NME8: variants seen among roughly 807,000 people sequenced by gnomAD.
NME8 encodes protein NME8.
A neutral mutation model predicts 82.3 loss-of-function variants in NME8; 72 were observed. That is an observed-to-expected ratio of 0.87 (90% CI 0.72 to 1.06). The LOEUF (loss-of-function observed/expected upper bound fraction) is 1.06, where lower values mean the gene tolerates loss of function less well. Ranked by LOEUF, NME8 falls within the 50% of genes least tolerant of loss-of-function variation. The pLI, the probability that NME8 is intolerant of heterozygous loss-of-function variation, is 0.00. For missense variants in NME8, 712 were observed against 685.4 expected, an observed-to-expected ratio of 1.04 and a Z score of -0.43; for synonymous variants, 267 against 228.5, an observed-to-expected ratio of 1.17 and a Z score of -1.52.
In NME8 at chr7:37,867,759, G is replaced by A. The variant is rs367666545; in HGVS notation, c.679G>A (p.Val227Ile). The stretch of plus-strand genomic sequence containing the variant: ...AAGTGGCTTAAGCTATATTCTAGTT[G>A]TATCTCAAGGAAGTAAACACAATCC... ...MTSGLSYILVVSQGSKHNPPS... is the reference protein window; with the variant it reads ...MTSGLSYILVISQGSKHNPPS... The change falls in exon 11 of 18, where the codon GTA becomes ATA. Residue 227 changes from valine to isoleucine, a missense_variant. Transcript: ENST00000199447. 26 of 1,613,576 alleles carry A rather than the reference G, an allele frequency of 1.6e-5. No homozygotes were observed. In the African/African-American group the frequency reaches 3.5e-4, roughly 22 times the overall value.
chr7:37,882,597 A>AGAG (rs1784971502), intron 12 of NME8, among the ~76,000 whole-genome samples: 11 of 83,048 alleles, frequency 1.3e-4, no homozygotes, highest in Middle Eastern at 6.5e-3. Context: ...GAAAGAAAGA[A>AGAG]AGAGAGAGAG....
Position 37,898,633 on chromosome 7 carries a change from A to G in NME8, c.*15+1526A>G, listed in dbSNP as rs79641431. ...TTAGACACAGAAGAACACATATTGT[A>G]TGTTACCACTTATATGAGTTACCTA... is the stretch of plus-strand genomic sequence containing the variant. On this transcript the variant is annotated intron_variant, in intron 17 of 17. Coordinates refer to ENST00000199447, the MANE Select transcript of NME8 (RefSeq NM_016616.5). Among the ~76,000 whole-genome samples the G allele has an allele frequency of 3.1e-3, 479 of 152,352 alleles. 16 individuals carry two copies. The South Asian group carries it at 0.064, about 20-fold the overall frequency.
intron 15 of NME8, among the ~76,000 whole-genome samples, chr7:37,893,135 A>T (rs544928971): frequency 4.7e-4 from 72 of 152,194 alleles, no homozygotes; most frequent in African/African-American, 1.3e-3. Context: ...CACTACCTAC[A>T]GTACTCTCTG....
chr7:37,853,660 T>G (rs1157725703), intron 5 of NME8, among the ~76,000 whole-genome samples: 1 of 152,018 alleles, frequency 6.6e-6, no homozygotes, highest in Non-Finnish European at 1.5e-5. Context: ...AAATTATATC[T>G]CCAAACCTCC....
intron 16 of NME8, 79 bp from the exon 17 acceptor site, chr7:37,896,791 A>G (rs1453928927): frequency 5.0e-6 from 6 of 1,189,788 alleles, no homozygotes; most frequent in Non-Finnish European, 6.3e-6. Context: ...CTCAGGCTGC[A>G]GTGTTCTGTC....
intron 6 of NME8, 88 bp from the exon 7 acceptor site, chr7:37,861,940 G>A: frequency 1.2e-6 from 1 of 841,528 alleles, no homozygotes; most frequent in East Asian, 2.4e-5. Flanking sequence ...TAGGGTAGAA[G>A]GGAGGGATGA....
chr7:37,853,518 A>G (rs1408932279), intron 5 of NME8, among the ~76,000 whole-genome samples: 1 of 152,226 alleles, frequency 6.6e-6, no homozygotes, highest in Non-Finnish European at 1.5e-5. Flanking sequence ...AACAGCTGAC[A>G]GATGGATCAC....
chr7:37,869,963 G>T (rs1386607030), intron 11 of NME8, among the ~76,000 whole-genome samples: 1 of 152,122 alleles, frequency 6.6e-6, no homozygotes, highest in African/African-American at 2.4e-5. Flanking sequence ...GATCCGACAG[G>T]AACAATTATT....
At chr7:37,887,309 C>A (rs1249106899) in intron 14 of NME8, among the ~76,000 whole-genome samples, 1 of 152,156 alleles carries the variant, frequency 6.6e-6, no homozygotes, top group Non-Finnish European at 1.5e-5. Flanking sequence ...TGTTGTTGCT[C>A]ACCTGGAGGT....
chr7:37,878,404 G>T (rs1055018748), intron 12 of NME8, among the ~76,000 whole-genome samples: 1 of 152,052 alleles, frequency 6.6e-6, no homozygotes, highest in Non-Finnish European at 1.5e-5. Flanking sequence ...GATATGTGTT[G>T]ATTTCTTTTC....
intron 11 of NME8, among the ~76,000 whole-genome samples, chr7:37,870,145 G>T (rs1484012607): frequency 6.6e-6 from 1 of 151,738 alleles, no homozygotes; most frequent in Admixed American, 6.6e-5. Flanking sequence ...TCTATAACAG[G>T]GGTGTCCAAT....
Position 37,867,990 on chromosome 7 carries a change from T to G in NME8, c.818+92T>G, listed in dbSNP as rs1784714686. 2.9e-6 allele frequency: 3 copies of G among 1,023,638 alleles called. No homozygotes were observed. In the South Asian group the frequency reaches 4.0e-5, roughly 14 times the overall value. 63.4% of individuals were successfully genotyped at this position (1,023,638 alleles called of 1,614,324 possible). A position where few individuals can be genotyped will look rare whatever the true frequency, so the allele number is the denominator to read the frequency against. The stretch of plus-strand genomic sequence containing the variant: ...CACCTCAGTACCTAAGGGCAAATGT[T>G]TTTATGTTAAAGGCATAAGTATTTC... On this transcript the variant is annotated intron_variant, in intron 11 of 17. Coordinates refer to ENST00000199447, the MANE Select transcript of NME8 (RefSeq NM_016616.5).
intron 14 of NME8, among the ~76,000 whole-genome samples, chr7:37,885,727 C>T (rs1206463619): frequency 6.6e-6 from 1 of 152,146 alleles, no homozygotes; most frequent in African/African-American, 2.4e-5. Flanking sequence ...AACTTGACCC[C>T]TGGCATATTA....
At chr7:37,884,848 G>A (rs41276024) in intron 13 of NME8, among the ~76,000 whole-genome samples, 16 of 152,210 alleles carry the variant, frequency 1.1e-4, no homozygotes, top group Non-Finnish European at 2.1e-4. Context: ...GACTGAAATA[G>A]CAATTGAGGC....
chr7:37,877,038 T>G (rs1257264380), intron 12 of NME8, 31 bp downstream of exon 12: 1 of 1,560,276 alleles, frequency 6.4e-7, no homozygotes, highest in Non-Finnish European at 8.8e-7. Flanking sequence ...TGTTTAAGTA[T>G]TTTATATAGA....
chr7:37,893,947 G>A (rs1785175885), intron 15 of NME8, among the ~76,000 whole-genome samples: 1 of 152,092 alleles, frequency 6.6e-6, no homozygotes, highest in Middle Eastern at 3.2e-3. Context: ...CAAAGAAGAG[G>A]CCGTTTTACC....
At chr7:37,894,947 A>T (rs1785198488) in intron 16 of NME8, among the ~76,000 whole-genome samples, 1 of 147,152 alleles carries the variant, frequency 6.8e-6, no homozygotes, top group Non-Finnish European at 1.5e-5. Context: ...TTCACATTAG[A>T]TATAGAGGCT....
At chr7:37,876,320 A>T (rs1784852479) in intron 11 of NME8, among the ~76,000 whole-genome samples, 1 of 151,844 alleles carries the variant, frequency 6.6e-6, no homozygotes, top group East Asian at 1.9e-4. Flanking sequence ...ATTACAAATA[A>T]TTTTTTCTTT....
intron 10 of NME8, among the ~76,000 whole-genome samples, 189 bp from the exon 11 acceptor site, chr7:37,867,513 C>T (rs1420103433): frequency 6.6e-6 from 1 of 151,560 alleles, no homozygotes; most frequent in African/African-American, 2.4e-5. Flanking sequence ...AATTATTTTT[C>T]AATAAAAAGC....
Sources: gnomAD v4.1 joint callset for allele counts (sites outside exome capture counted in the v4.1 genomes callset) on GRCh38, gnomAD v4.1.1 for gene constraint, MANE v1.5 for transcripts, NCBI Gene and HGNC (gene_info 2026-07-23, HGNC 2026-07-21) for gene names.